Variants in CAB39 observed in about 807,000 individuals in gnomAD.
CAB39 encodes calcium-binding protein 39.
In CAB39, 8 loss-of-function variants were observed where a neutral mutation model predicts 40.0. The observed-to-expected ratio is 0.20, with a 90% CI of 0.12 to 0.36. The LOEUF (loss-of-function observed/expected upper bound fraction) is 0.36. CAB39 is among the 10% of genes least tolerant of loss of function. The pLI is 1.00. For missense variants in CAB39, 270 were observed against 401.1 expected, an observed-to-expected ratio of 0.67 and a Z score of 2.79; for synonymous variants, 156 against 141.6, an observed-to-expected ratio of 1.10 and a Z score of -0.72.
intron 1 of CAB39, among the ~76,000 whole-genome samples, chr2:230,738,191 C>A (rs898011327): frequency 2.6e-5 from 4 of 152,228 alleles, no homozygotes; most frequent in African/African-American, 9.6e-5. Flanking sequence ...TATTAGTCTT[C>A]CATGGATTTA....
intron 1 of CAB39, among the ~76,000 whole-genome samples, chr2:230,730,284 GT>G (rs1694663939): frequency 6.6e-6 from 1 of 151,702 alleles, no homozygotes; most frequent in Admixed American, 6.6e-5. Flanking sequence ...AATTTTTGTA[GT>G]TTTTGCAGGG....
At chr2:230,778,435 T>C (rs977274067) in intron 2 of CAB39, among the ~76,000 whole-genome samples, 2 of 152,222 alleles carry the variant, frequency 1.3e-5, no homozygotes, top group African/African-American at 4.8e-5. Context: ...TACTTTTGTA[T>C]CACTACTTTT....
intron 1 of CAB39, among the ~76,000 whole-genome samples, chr2:230,753,278 C>G (rs1262569426): frequency 6.6e-6 from 1 of 152,060 alleles, no homozygotes. Flanking sequence ...ATGTTAACAG[C>G]CCCCCACATA....
chr2:230,763,806 A>G (rs1156467545), intron 2 of CAB39, among the ~76,000 whole-genome samples: 1 of 152,126 alleles, frequency 6.6e-6, no homozygotes, highest in Non-Finnish European at 1.5e-5. Flanking sequence ...ATGATTTTAT[A>G]ACATGTTTTG....
At chr2:230,789,297 T>C (rs1344291442) in intron 2 of CAB39, among the ~76,000 whole-genome samples, 1 of 152,234 alleles carries the variant, frequency 6.6e-6, no homozygotes, top group East Asian at 1.9e-4. Context: ...GTAGTTGTAG[T>C]AACTATTTTA....
chr2:230,793,373 A>C (rs749083452), intron 4 of CAB39, 42 bp downstream of exon 4: 1 of 987,194 alleles, frequency 1.0e-6, no homozygotes, highest in Non-Finnish European at 1.5e-6. Context: ...AGTTGAACAT[A>C]AAGGAAGGAT....
rs2124988404 is a variant in CAB39, at chr2:230,817,858, A to G, written c.798A>G (p.Lys266=). 6.2e-7 allele frequency: 1 copy of G among 1,613,372 alleles called. No homozygotes were observed. The highest frequency in any genetic ancestry group is 2.2e-5 in the East Asian group (1 of 44,872). Residue 266 remains lysine, a synonymous_variant, in exon 8 of 9, where the codon AAA becomes AAG. Transcript: ENST00000258418. ...LKLMMNLLRD[K]SRNIQFEAFH... is the part of the protein sequence containing the mutation. Reference sequence around the variant, plus strand: ...TAATGATGAACCTGCTGCGAGACAAAAGTCGCAACATCCAGTTTGAGGCCT... The same window carrying G: ...TAATGATGAACCTGCTGCGAGACAAGAGTCGCAACATCCAGTTTGAGGCCT...
At chr2:230,771,872 G>A (rs373163262) in intron 2 of CAB39, among the ~76,000 whole-genome samples, 1 of 152,188 alleles carries the variant, frequency 6.6e-6, no homozygotes. Flanking sequence ...AACAATTGGT[G>A]CTGAAACTAT....
chr2:230,726,170 A>ATT (rs995191302), intron 1 of CAB39, among the ~76,000 whole-genome samples: 1 of 148,148 alleles, frequency 6.8e-6, no homozygotes, highest in African/African-American at 2.5e-5. Flanking sequence ...AATTTAATTA[A>ATT]TTTTTTTTTT....
At chr2:230,776,191 A>G (rs1695581774) in intron 2 of CAB39, among the ~76,000 whole-genome samples, 1 of 152,194 alleles carries the variant, frequency 6.6e-6, no homozygotes, top group South Asian at 2.1e-4. Context: ...CTTATAGACA[A>G]CCTAAGGGTA....
rs1350654890 is a variant in CAB39, at chr2:230,712,851, A to C, written c.-423A>C. ...CGTCCTCGGCGGCTGCGCAGTGCGC[A>C]CGTCAAAGCCGGGCTCGGGCCGCAA... On this transcript the variant is annotated 5_prime_UTR_variant, in exon 1 of 9. Transcript: ENST00000258418. The C allele has an allele frequency of 6.6e-6, 1 of 151,964 alleles. No homozygotes were observed. Among genetic ancestry groups the C allele is most frequent in the Admixed American group, 6.6e-5 (1 of 15,246 alleles). 9.4% of individuals were successfully genotyped at this position (151,964 alleles called of 1,614,324 possible). A position where few individuals can be genotyped will look rare whatever the true frequency, so the allele number is the denominator to read the frequency against.
At chr2:230,758,182 A>G (rs1695226489) in intron 1 of CAB39, among the ~76,000 whole-genome samples, 1 of 151,928 alleles carries the variant, frequency 6.6e-6, no homozygotes, top group Non-Finnish European at 1.5e-5. Context: ...CTATAGTCCC[A>G]GCTACTTGGG....
intron 5 of CAB39, among the ~76,000 whole-genome samples, chr2:230,807,708 A>G (rs1055908523): frequency 2.0e-5 from 3 of 152,172 alleles, no homozygotes; most frequent in South Asian, 2.1e-4. Flanking sequence ...GCTTCTCTCA[A>G]ACCTTCAGTA....
intron 1 of CAB39, among the ~76,000 whole-genome samples, chr2:230,730,345 A>T (rs1337603257): frequency 6.6e-6 from 1 of 152,074 alleles, no homozygotes; most frequent in Admixed American, 6.6e-5. Flanking sequence ...ATGATTGGTT[A>T]TTCTTTGGGA....
At chr2:230,756,621 C>T (rs904170308) in intron 1 of CAB39, among the ~76,000 whole-genome samples, 9 of 152,158 alleles carry the variant, frequency 5.9e-5, no homozygotes, top group South Asian at 2.1e-4. Context: ...AATTATTACA[C>T]TCATACTTTA....
intron 1 of CAB39, chr2:230,725,463 A>C: frequency 1.4e-6 from 2 of 1,380,366 alleles, no homozygotes; most frequent in Non-Finnish European, 2.0e-6. Context: ...CCACCCGGCC[A>C]CTCCTGCGGA....
chr2:230,715,998 G>T (rs1366284452), intron 1 of CAB39, among the ~76,000 whole-genome samples: 2 of 152,196 alleles, frequency 1.3e-5, no homozygotes, highest in Non-Finnish European at 2.9e-5. Flanking sequence ...CGCTTGCCTG[G>T]ATATCTGTTT....
intron 2 of CAB39, among the ~76,000 whole-genome samples, chr2:230,778,071 A>G: frequency 6.6e-6 from 1 of 152,328 alleles, no homozygotes; most frequent in South Asian, 2.1e-4. Context: ...TTACTATGAA[A>G]TAGAATCTTT....
chr2:230,812,894 C>T (rs539647825), intron 6 of CAB39, among the ~76,000 whole-genome samples: 11 of 152,258 alleles, frequency 7.2e-5, no homozygotes, highest in Middle Eastern at 3.4e-3. Context: ...AGTAAACAAA[C>T]GAGCATGGGA....
Sources: gnomAD v4.1 joint callset for allele counts (sites outside exome capture counted in the v4.1 genomes callset) on GRCh38, gnomAD v4.1.1 for gene constraint, MANE v1.5 for transcripts, NCBI Gene and HGNC (gene_info 2026-07-23, HGNC 2026-07-21) for gene names.